The following NRDE2 variants were observed in gnomAD, a reference collection of about 807,000 sequenced individuals.
NRDE2 encodes NRDE-2, necessary for RNA interference, domain containing.
In NRDE2, 76 loss-of-function variants were observed where a neutral mutation model predicts 124.2. That is an observed-to-expected ratio of 0.61 (90% CI 0.51 to 0.74). NRDE2 has a LOEUF of 0.74. NRDE2 is among the 30% of genes least tolerant of loss of function. The pLI is 0.00. For synonymous variants in NRDE2, 489 were observed against 528.1 expected (o/e 0.93, Z 1.01); for missense variants, 1,314 against 1,417.3 (o/e 0.93, Z 1.17).
Position 90,312,525 on chromosome 14 carries a change from T to C in NRDE2, c.426A>G (p.Ala142=), listed in dbSNP as rs760290040. ...AAACAAAGCGATGTCCAGTATCAGC[T>C]GCAGCATTATTTCCTTGACTGTGGG... is the stretch of plus-strand genomic sequence containing the variant. ...SEEPNQGNNA[A]ADTGHRFVWL... Residue 142 remains alanine (A), a synonymous_variant, in exon 4 of 14, where the codon GCA becomes GCG. Transcript: ENST00000354366. 16 of 1,614,028 alleles carry C rather than the reference T, an allele frequency of 9.9e-6. No homozygotes were observed. Among genetic ancestry groups the C allele is most frequent in the African/African-American group, 1.3e-5 (1 of 74,928 alleles).
At chr14:90,308,114 ATTATTT>A (rs2139696558) in intron 4 of NRDE2, among the ~76,000 whole-genome samples, 1 of 152,302 alleles carries the variant, frequency 6.6e-6, no homozygotes, top group South Asian at 2.1e-4. Flanking sequence ...AGTTTAAATT[ATTATTT>A]TTATCAAAGT....
intron 7 of NRDE2, among the ~76,000 whole-genome samples, chr14:90,300,306 T>C (rs1884346177): frequency 6.6e-6 from 1 of 152,264 alleles, no homozygotes; most frequent in Non-Finnish European, 1.5e-5. Flanking sequence ...TGATTGATTA[T>C]AGCAATTTAA....
At position 90,268,169 on chromosome 14, in the gene NRDE2, G is replaced by A; in HGVS notation, c.*10167C>T. ...AGGTGGTAATGATACGAGTTTTTAA[G>A]TTAAAATGGCACTTAAGGTGTCTTT... On this transcript the variant is annotated 3_prime_UTR_variant, in exon 14 of 14. Coordinates refer to ENST00000354366, the MANE Select transcript of NRDE2 (RefSeq NM_017970.4). 11 of 1,427,924 alleles carry A rather than the reference G, an allele frequency of 7.7e-6. No homozygotes were observed. Among genetic ancestry groups the A allele is most frequent in the Non-Finnish European group, 1.0e-5 (11 of 1,076,106 alleles). The allele number at this position is 1,427,924 out of a possible 1,614,324, so 88.5% of individuals were successfully genotyped here.
intron 12 of NRDE2, chr14:90,281,623 T>A (rs1416737519): frequency 6.6e-6 from 1 of 152,226 alleles, no homozygotes; most frequent in Admixed American, 6.5e-5. Context: ...TTAGCAGACG[T>A]GTGCCACCTC....
intron 5 of NRDE2, 59 bp downstream of exon 5, chr14:90,303,876 G>A (rs1884497705): frequency 1.3e-6 from 2 of 1,485,600 alleles, no homozygotes; most frequent in East Asian, 2.3e-5. Context: ...CAGTCCATCA[G>A]TTTGCCCAAA....
intron 3 of NRDE2, among the ~76,000 whole-genome samples, chr14:90,313,550 A>C (rs1480222384): frequency 1.3e-5 from 2 of 152,130 alleles, no homozygotes; most frequent in Non-Finnish European, 2.9e-5. Context: ...TCTCTGAACC[A>C]ATGTGTAGGC....
intron 8 of NRDE2, 74 bp downstream of exon 8, chr14:90,298,186 T>C (rs1884250335): frequency 2.0e-6 from 3 of 1,482,302 alleles, no homozygotes; most frequent in South Asian, 1.2e-5. Flanking sequence ...CTTAAGCAGA[T>C]AAATAATCAT....
At chr14:90,314,667 T>C (rs145098138) in intron 3 of NRDE2, among the ~76,000 whole-genome samples, 115 of 152,326 alleles carry the variant, frequency 7.5e-4, no homozygotes, top group Admixed American at 1.8e-3. Context: ...AGTAGCTTGC[T>C]TTAAAGACAC....
chr14:90,277,881 A>G lies in NRDE2; in HGVS notation c.*455T>C, dbSNP rs1048533530. 6.2e-6 allele frequency: 1 copy of G among 160,266 alleles called. No homozygotes were observed. The highest frequency in any genetic ancestry group is 2.4e-5 in the African/African-American group (1 of 41,730). The allele number at this position is 160,266 out of a possible 1,614,324, so 9.9% of individuals were successfully genotyped here. On this transcript the variant is annotated 3_prime_UTR_variant, in exon 14 of 14. Coordinates refer to ENST00000354366, the MANE Select transcript of NRDE2 (RefSeq NM_017970.4). ...AGCGTTAACTGCGGGTCTCAACACAAGAGCAAAATCTCCTGCTCACCAGCC... is the reference window on the plus strand; with the variant it reads ...AGCGTTAACTGCGGGTCTCAACACAGGAGCAAAATCTCCTGCTCACCAGCC...
At chr14:90,290,674 C>T (rs1892251205) in intron 9 of NRDE2, 67 bp from the exon 10 acceptor site, 1 of 1,478,476 alleles carries the variant, frequency 6.8e-7, no homozygotes, top group South Asian at 1.3e-5. Flanking sequence ...TCACAATTCT[C>T]TTTATATGCA....
At chr14:90,292,030 G>A (rs1482230975) in intron 9 of NRDE2, among the ~76,000 whole-genome samples, 1 of 152,218 alleles carries the variant, frequency 6.6e-6, no homozygotes, top group South Asian at 2.1e-4. Flanking sequence ...TCCAGGTATC[G>A]AGACAGCATT....
intron 3 of NRDE2, among the ~76,000 whole-genome samples, chr14:90,314,048 T>C (rs1208394922): frequency 6.6e-6 from 1 of 152,212 alleles, no homozygotes; most frequent in Non-Finnish European, 1.5e-5. Context: ...AGACCGCCCC[T>C]GAGGAGTCAA....
At position 90,274,838 on chromosome 14, in the gene NRDE2, A is replaced by ACACACACACCCCCC. The variant is rs1491397403; in HGVS notation, c.*3497_*3498insGGGGGGTGTGTGTG. 2 of 67,182 alleles carry ACACACACACCCCCC rather than the reference A, an allele frequency of 3.0e-5. No individual in the cohort carries two copies. The highest frequency in any genetic ancestry group is 6.4e-5 in the Non-Finnish European group (2 of 31,320). 4.2% of individuals were successfully genotyped at this position (67,182 alleles called of 1,614,324 possible). A position where few individuals can be genotyped will look rare whatever the true frequency, so the allele number is the denominator to read the frequency against. On this transcript the variant is annotated 3_prime_UTR_variant, in exon 14 of 14. Transcript: ENST00000354366. ...CACACACACACACACACACACACACACCCCAATACATATGAATTGATCTGA... is the reference window on the plus strand; with the variant it reads ...CACACACACACACACACACACACACACACACACACCCCCCCCCCAATACATATGAATTGATCTGA...
At chr14:90,294,956 G>A (rs1229737264) in intron 8 of NRDE2, among the ~76,000 whole-genome samples, 1 of 152,136 alleles carries the variant, frequency 6.6e-6, no homozygotes, top group Non-Finnish European at 1.5e-5. Context: ...AGGGGGAAGG[G>A]GCAGACGTGG....
intron 5 of NRDE2, 132 bp from the exon 6 acceptor site, chr14:90,303,257 A>C: frequency 1.3e-6 from 1 of 798,466 alleles, no homozygotes; most frequent in Non-Finnish European, 1.9e-6. Context: ...ATTTCTTTTA[A>C]AGAAAACCTG....
intron 4 of NRDE2, among the ~76,000 whole-genome samples, chr14:90,305,406 G>A (rs1432540376): frequency 2.0e-5 from 3 of 152,206 alleles, no homozygotes; most frequent in Admixed American, 2.0e-4. Context: ...CTATGACCCA[G>A]CAATTCTATT....
At chr14:90,283,068 GCCTTCCCCCC>G (rs1891999554) in intron 12 of NRDE2, among the ~76,000 whole-genome samples, 1 of 152,160 alleles carries the variant, frequency 6.6e-6, no homozygotes, top group East Asian at 1.9e-4. Context: ...GGGAGCCTTA[GCCTTCCCCCC>G]GGCCTGCGAG....
intron 1 of NRDE2, among the ~76,000 whole-genome samples, chr14:90,318,488 G>A (rs897432724): frequency 6.6e-6 from 1 of 152,156 alleles, no homozygotes. Context: ...ATTTGATTCA[G>A]ACAATTCCTA....
rs1369414370 is a variant in NRDE2, at chr14:90,303,010, A to G, written c.1121T>C (p.Ile374Thr). The G allele has an allele frequency of 1.2e-6, 2 of 1,613,966 alleles. No individual in the cohort carries two copies. Among genetic ancestry groups the G allele is most frequent in the Non-Finnish European group, 1.7e-6 (2 of 1,180,024 alleles). The change falls in exon 6 of 14, where the codon ATT becomes ACT. Residue 374 changes from isoleucine (I) to threonine (T), a missense_variant. By Grantham distance (89) the Ile-to-Thr change is moderately conservative. Transcript: ENST00000354366. ...EKKLAILERA[I>T]ESNQSSVDLK... ...ATCCACACTGCTCTGGTTGCTCTCA[A>G]TGGCCCGCTCCAGAATGGCCAGCTT...
Sources: allele counts gnomAD v4.1 joint callset (sites outside exome capture counted in the v4.1 genomes callset), GRCh38; gene constraint gnomAD v4.1.1; transcripts MANE v1.5; gene names NCBI Gene and HGNC (gene_info 2026-07-23, HGNC 2026-07-21).